The following KCNJ3 variants were observed in gnomAD, a reference collection of about 807,000 sequenced individuals.
KCNJ3 encodes the protein potassium inwardly rectifying channel subfamily J member 3.
Under a neutral mutation model 39.2 loss-of-function variants are expected in KCNJ3, and 4 were observed. The observed-to-expected ratio is 0.10, with a 90% CI of 0.05 to 0.23. KCNJ3 has a LOEUF of 0.23. Ranked by LOEUF, KCNJ3 falls within the 10% of genes least tolerant of loss-of-function variation. The probability of loss-of-function intolerance (pLI) is 1.00; values close to 1 mark genes in which losing one functional copy is unlikely to be tolerated. For synonymous variants in KCNJ3, 230 were observed against 237.4 expected (o/e 0.97, Z 0.29); for missense variants, 276 against 634.9 (o/e 0.43, Z 6.08).
At chr2:154,716,276 A>ATTTTTTTTTTTTTTTTTTTTTTTTTTTTT (rs535989708) in intron 2 of KCNJ3, among the ~76,000 whole-genome samples, 1 of 115,484 alleles carries the variant, frequency 8.7e-6, no homozygotes, top group Non-Finnish European at 1.7e-5. Context: ...CGGCCGGCTA[A>ATTTTTTTTTTTTTTTTTTTTTTTTTTTTT]TTTTTTTTTT....
intron 2 of KCNJ3, among the ~76,000 whole-genome samples, chr2:154,767,576 C>T (rs971584630): frequency 6.6e-6 from 1 of 152,166 alleles, no homozygotes; most frequent in African/African-American, 2.4e-5. Context: ...TTTCTTAATC[C>T]AGTCTATCAC....
intron 2 of KCNJ3, among the ~76,000 whole-genome samples, chr2:154,785,868 C>T (rs916456461): frequency 1.3e-5 from 2 of 152,152 alleles, no homozygotes; most frequent in South Asian, 2.1e-4. Flanking sequence ...TATTTAATGT[C>T]CTTATCTCCA....
chr2:154,813,269 G>A (rs1242011186), intron 2 of KCNJ3, among the ~76,000 whole-genome samples: 2 of 152,006 alleles, frequency 1.3e-5, no homozygotes, highest in East Asian at 3.9e-4. Context: ...TGCAAATTAT[G>A]GGAAGCTCTG....
At chr2:154,724,634 T>C (rs1161742694) in intron 2 of KCNJ3, among the ~76,000 whole-genome samples, 1 of 151,874 alleles carries the variant, frequency 6.6e-6, no homozygotes. Context: ...CCAGCAATTA[T>C]GTACTATAGG....
rs146968471 is a variant in KCNJ3, at chr2:154,732,301, G to C, written c.919+22482G>C. 3.9e-5 allele frequency among the ~76,000 whole-genome samples: 6 copies of C among 152,144 alleles called. No homozygotes were observed. In the East Asian group the frequency reaches 1.2e-3, roughly 29 times the overall value. On this transcript the variant is annotated intron_variant, in intron 2 of 2. Transcript: ENST00000295101. Reference sequence around the variant, plus strand: ...TTGATTGCTATGGGAATTTGTCACTGTTTCCTAATTAGAATAGCATTTATG... The same window carrying C: ...TTGATTGCTATGGGAATTTGTCACTCTTTCCTAATTAGAATAGCATTTATG...
intron 2 of KCNJ3, among the ~76,000 whole-genome samples, chr2:154,779,494 A>G (rs1196975738): frequency 6.8e-6 from 1 of 146,320 alleles, no homozygotes; most frequent in East Asian, 2.0e-4. Flanking sequence ...TATGTTATAT[A>G]TATTTTATAT....
Position 154,698,954 on chromosome 2 carries a change from T to C in KCNJ3, c.179T>C (p.Leu60Pro). 6.2e-7 allele frequency: 1 copy of C among 1,614,048 alleles called. No individual in the cohort carries two copies. ...CGGTGCAATGTACAGCACGGCAACC[T>C]GGGCAGCGAGACAAGCCGCTACCTC... is the stretch of plus-strand genomic sequence containing the variant. ...NGRCNVQHGN[L>P]GSETSRYLSD... The change falls in exon 1 of 3, where the codon CTG (leucine) becomes CCG (proline). Residue 60 changes from leucine (L) to proline (P), a missense_variant. Leu to Pro is a moderately conservative substitution (Grantham distance 98, BLOSUM62 -3). Around this residue, in one of 4 missense-constraint regions of KCNJ3, gnomAD observed 46 missense variants for 206.6 expected, o/e 0.22. Transcript: ENST00000295101.
chr2:154,802,104 A>G (rs1574467933), intron 2 of KCNJ3, among the ~76,000 whole-genome samples: 1 of 151,976 alleles, frequency 6.6e-6, no homozygotes, highest in East Asian at 1.9e-4. Context: ...AGTCAGGAGT[A>G]ATGTCTATAT....
chr2:154,808,089 T>A (rs957608521), intron 2 of KCNJ3, among the ~76,000 whole-genome samples: 2 of 151,442 alleles, frequency 1.3e-5, no homozygotes, highest in African/African-American at 4.9e-5. Context: ...TAAATTTTTT[T>A]TTTTTTTTTG....
At chr2:154,787,266 G>A (rs1208792456) in intron 2 of KCNJ3, among the ~76,000 whole-genome samples, 1 of 151,918 alleles carries the variant, frequency 6.6e-6, no homozygotes, top group Non-Finnish European at 1.5e-5. Context: ...CTTGAGCTCT[G>A]CCATTCACTA....
chr2:154,826,993 T>C (rs747929311), intron 2 of KCNJ3, among the ~76,000 whole-genome samples: 1 of 152,184 alleles, frequency 6.6e-6, no homozygotes, highest in African/African-American at 2.4e-5. Context: ...GACAGTTTCA[T>C]TTTTCAGAGC....
intron 2 of KCNJ3, among the ~76,000 whole-genome samples, chr2:154,722,645 G>A (rs1351158558): frequency 1.3e-5 from 2 of 152,168 alleles, no homozygotes; most frequent in Non-Finnish European, 2.9e-5. Context: ...TGGCAATGGG[G>A]GAGCCATAGA....
chr2:154,713,489 G>C (rs183400736), intron 2 of KCNJ3, among the ~76,000 whole-genome samples: 4 of 152,106 alleles, frequency 2.6e-5, no homozygotes, highest in Admixed American at 6.6e-5. Flanking sequence ...AGGAGTGGTG[G>C]GGGGAGGGAA....
At chr2:154,766,545 GTTTA>G (rs932907352) in intron 2 of KCNJ3, among the ~76,000 whole-genome samples, 2 of 151,440 alleles carry the variant, frequency 1.3e-5, no homozygotes, top group Non-Finnish European at 2.9e-5. Flanking sequence ...TTATTTATTT[GTTTA>G]TTTATTTTTA....
At chr2:154,847,366 G>A (rs776847153) in intron 2 of KCNJ3, among the ~76,000 whole-genome samples, 1 of 152,168 alleles carries the variant, frequency 6.6e-6, no homozygotes, top group African/African-American at 2.4e-5. Context: ...GAAGATGGGT[G>A]AAATTTTGGA....
At chr2:154,741,173 A>G (rs992886981) in intron 2 of KCNJ3, among the ~76,000 whole-genome samples, 2 of 151,930 alleles carry the variant, frequency 1.3e-5, no homozygotes, top group Non-Finnish European at 2.9e-5. Flanking sequence ...AACTATTATT[A>G]CGTTTTACAT....
intron 2 of KCNJ3, among the ~76,000 whole-genome samples, chr2:154,806,433 T>C (rs1686911933): frequency 6.6e-6 from 1 of 152,136 alleles, no homozygotes; most frequent in African/African-American, 2.4e-5. Flanking sequence ...TTATGCCAAA[T>C]GGCAAACAAG....
intron 2 of KCNJ3, among the ~76,000 whole-genome samples, chr2:154,767,168 T>G (rs1410878214): frequency 6.6e-6 from 1 of 151,652 alleles, no homozygotes; most frequent in African/African-American, 2.4e-5. Flanking sequence ...TTGTGCTAAC[T>G]GCTAGTACAT....
intron 2 of KCNJ3, among the ~76,000 whole-genome samples, chr2:154,759,210 G>T (rs927844326): frequency 2.0e-4 from 31 of 152,154 alleles, no homozygotes; most frequent in African/African-American, 6.5e-4. Flanking sequence ...TGCAACAACT[G>T]CTAGTGCCGG....
Sources: allele counts gnomAD v4.1 joint callset (sites outside exome capture counted in the v4.1 genomes callset), GRCh38; gene constraint gnomAD v4.1.1; regional missense constraint gnomAD v4.1.1; transcripts MANE v1.5; gene names NCBI Gene and HGNC (gene_info 2026-07-23, HGNC 2026-07-21).